Variants in AUTS2 observed in about 807,000 individuals in gnomAD.
The protein encoded by AUTS2 is autism susceptibility gene 2 protein.
A neutral mutation model predicts 112.4 loss-of-function variants in AUTS2; 17 were observed. That is an observed-to-expected ratio of 0.15 (90% CI 0.10 to 0.23). The LOEUF is 0.23. Ranked by LOEUF, AUTS2 falls within the 10% of genes least tolerant of loss-of-function variation. The pLI, the probability that AUTS2 is intolerant of heterozygous loss-of-function variation, is 1.00. For synonymous variants in AUTS2, 751 were observed against 702.7 expected (o/e 1.07, Z -1.09); for missense variants, 1,510 against 1,701.6 (o/e 0.89, Z 1.98).
chr7:69,636,491 C>G (rs992743599), intron 1 of AUTS2, among the ~76,000 whole-genome samples: 1 of 97,466 alleles, frequency 1.0e-5, no homozygotes, highest in Non-Finnish European at 2.4e-5. Flanking sequence ...CCCCCCCCCC[C>G]CCTTGGCCTC....
chr7:70,271,202 G>C (rs1787677521), intron 4 of AUTS2, among the ~76,000 whole-genome samples: 1 of 152,090 alleles, frequency 6.6e-6, no homozygotes, highest in Non-Finnish European at 1.5e-5. Context: ...ATGAGAATTT[G>C]CTTTAAAGAA....
Position 69,800,721 on chromosome 7 carries a change from A to T in AUTS2, c.310-98565A>T, listed in dbSNP as rs1022855470. On this transcript the variant is annotated intron_variant, in intron 1 of 18. Transcript: ENST00000342771. ...GGAGGCATAGAAGCTCTTGACAAGT[A>T]CTATGAGTCAGAAGGCCACATGTGA... 2.0e-5 allele frequency among the ~76,000 whole-genome samples: 3 copies of T among 152,286 alleles called. No homozygotes were observed. In the South Asian group the frequency reaches 6.2e-4, roughly 32 times the overall value.
chr7:70,555,208 A>G (rs1262663474), intron 5 of AUTS2, among the ~76,000 whole-genome samples: 1 of 152,246 alleles, frequency 6.6e-6, no homozygotes, highest in African/African-American at 2.4e-5. Context: ...TTGCCCAGAC[A>G]CAAACCACTC....
chr7:70,192,953 GA>G (rs1326699412), intron 4 of AUTS2, among the ~76,000 whole-genome samples: 1 of 152,158 alleles, frequency 6.6e-6, no homozygotes, highest in Non-Finnish European at 1.5e-5. Flanking sequence ...TAGAACCCTA[GA>G]AAAACAACCA....
At chr7:70,469,882 C>T (rs1383849422) in intron 5 of AUTS2, among the ~76,000 whole-genome samples, 2 of 152,116 alleles carry the variant, frequency 1.3e-5, no homozygotes, top group African/African-American at 2.4e-5. Context: ...TCAGGTGATC[C>T]GCCTGCCTTG....
intron 5 of AUTS2, among the ~76,000 whole-genome samples, chr7:70,577,101 T>G (rs1303912585): frequency 1.3e-5 from 2 of 152,212 alleles, no homozygotes; most frequent in African/African-American, 4.8e-5. Flanking sequence ...AAAATATTAT[T>G]TAGTGTGCTA....
intron 1 of AUTS2, among the ~76,000 whole-genome samples, chr7:69,703,189 G>A (rs527709826): frequency 1.5e-4 from 23 of 152,050 alleles, no homozygotes; most frequent in Non-Finnish European, 3.2e-4. Context: ...CATGGTAGGG[G>A]GAATCATTAC....
At chr7:70,432,663 G>A (rs1191911302) in intron 4 of AUTS2, among the ~76,000 whole-genome samples, 1 of 152,202 alleles carries the variant, frequency 6.6e-6, no homozygotes, top group Non-Finnish European at 1.5e-5. Flanking sequence ...TGTGTTAGGA[G>A]CCAGGCAAGG....
intron 1 of AUTS2, among the ~76,000 whole-genome samples, chr7:69,608,172 A>C (rs750025061): frequency 2.0e-5 from 3 of 152,096 alleles, no homozygotes; most frequent in Non-Finnish European, 4.4e-5. Flanking sequence ...GGGCTCAAGC[A>C]ATCCACCCTC....
chr7:70,068,455 A>G (rs1383779791), intron 2 of AUTS2, among the ~76,000 whole-genome samples: 1 of 152,042 alleles, frequency 6.6e-6, no homozygotes, highest in Middle Eastern at 3.2e-3. Flanking sequence ...AAGTGCTGAG[A>G]TTACAGGCGT....
At chr7:70,552,989 A>G (rs1585292683) in intron 5 of AUTS2, among the ~76,000 whole-genome samples, 1 of 152,210 alleles carries the variant, frequency 6.6e-6, no homozygotes, top group Non-Finnish European at 1.5e-5. Context: ...CAGACCCAGC[A>G]CTGCAGTTAA....
intron 2 of AUTS2, among the ~76,000 whole-genome samples, chr7:70,070,104 C>T (rs1375229429): frequency 6.6e-6 from 1 of 152,026 alleles, no homozygotes; most frequent in African/African-American, 2.4e-5. Context: ...TTCTCAGCAG[C>T]AATTTTAGTT....
chr7:70,325,998 T>C (rs1026791627), intron 4 of AUTS2, among the ~76,000 whole-genome samples: 2 of 152,220 alleles, frequency 1.3e-5, no homozygotes, highest in African/African-American at 4.8e-5. Flanking sequence ...ATTCATTTAG[T>C]CACTGAGTCT....
intron 5 of AUTS2, among the ~76,000 whole-genome samples, chr7:70,661,296 C>T (rs1052735252): frequency 3.3e-5 from 5 of 152,074 alleles, no homozygotes; most frequent in Non-Finnish European, 5.9e-5. Context: ...CACTTCAAAG[C>T]GTAGGGGGCT....
intron 1 of AUTS2, among the ~76,000 whole-genome samples, chr7:69,811,476 C>T (rs1029060965): frequency 2.6e-5 from 4 of 152,212 alleles, no homozygotes; most frequent in Admixed American, 6.5e-5. Context: ...GGAGCCTCTA[C>T]GGACTAGATC....
chr7:69,708,611 G>A (rs183085388), intron 1 of AUTS2, among the ~76,000 whole-genome samples: 3 of 152,278 alleles, frequency 2.0e-5, no homozygotes, highest in East Asian at 1.9e-4. Flanking sequence ...GGAATAACAC[G>A]TAGTCTTTAT....
At chr7:69,623,380 A>ACTTT in intron 1 of AUTS2, among the ~76,000 whole-genome samples, 1 of 50,322 alleles carries the variant, frequency 2.0e-5, no homozygotes, top group Admixed American at 2.1e-4. Flanking sequence ...CACGCCCAGC[A>ACTTT]ATTTTTTTTT....
At chr7:69,886,460 G>T (rs1490722277) in intron 1 of AUTS2, among the ~76,000 whole-genome samples, 4 of 152,142 alleles carry the variant, frequency 2.6e-5, no homozygotes, top group Admixed American at 2.6e-4. Context: ...CTGATATGCT[G>T]TGTAAAACTG....
In AUTS2 at chr7:70,791,029, A is replaced by G; in HGVS notation, c.*33A>G. On this transcript the variant is annotated 3_prime_UTR_variant, in exon 19 of 19. Coordinates refer to ENST00000342771, the MANE Select transcript of AUTS2 (RefSeq NM_015570.4). ...ACAGGAGCAAGAACGAGGAAGAAGA[A>G]ACCCTAGGCAGACACCAGGCCAGGC... 6.8e-7 allele frequency: 1 copy of G among 1,465,966 alleles called. No individual in the cohort carries two copies. Among genetic ancestry groups the G allele is most frequent in the Non-Finnish European group, 9.0e-7 (1 of 1,113,262 alleles). 90.8% of individuals were successfully genotyped at this position (1,465,966 alleles called of 1,614,324 possible).
Sources: allele counts gnomAD v4.1 joint callset (sites outside exome capture counted in the v4.1 genomes callset), GRCh38; gene constraint gnomAD v4.1.1; transcripts MANE v1.5; gene names NCBI Gene and HGNC (gene_info 2026-07-23, HGNC 2026-07-21).